NEK10: variants seen among roughly 807,000 people sequenced by gnomAD.
The protein encoded by NEK10 is NIMA related kinase 10.
A neutral mutation model predicts 159.8 loss-of-function variants in NEK10; 122 were observed. The observed-to-expected ratio is 0.76, with a 90% confidence interval of 0.66 to 0.89. NEK10 has a LOEUF of 0.89. Ranked by LOEUF, NEK10 falls within the 40% of genes least tolerant of loss-of-function variation. NEK10 has a pLI of 0.00. For synonymous variants in NEK10, 466 were observed against 457.1 expected (o/e 1.02, Z -0.25); for missense variants, 1,342 against 1,323.1 (o/e 1.01, Z -0.22).
intron 4 of NEK10, among the ~76,000 whole-genome samples, chr3:27,345,806 G>A (rs924884442): frequency 7.2e-5 from 11 of 152,150 alleles, no homozygotes; most frequent in Admixed American, 5.2e-4. Flanking sequence ...AGCCTAACCA[G>A]GTCAATAATC....
intron 15 of NEK10, among the ~76,000 whole-genome samples, chr3:27,294,903 T>C (rs1031569178): frequency 6.6e-6 from 1 of 151,860 alleles, no homozygotes; most frequent in Admixed American, 6.6e-5. Flanking sequence ...CCTGCGTAAC[T>C]GTTCCCCTTT....
chr3:27,146,525 G>T (rs1357261818), intron 30 of NEK10, among the ~76,000 whole-genome samples: 4 of 152,146 alleles, frequency 2.6e-5, no homozygotes. Context: ...CTCTATATTG[G>T]ACCAACAGTG....
chr3:27,260,624 G>C (rs2040324352), intron 22 of NEK10, among the ~76,000 whole-genome samples: 1 of 152,156 alleles, frequency 6.6e-6, no homozygotes, highest in Non-Finnish European at 1.5e-5. Context: ...TGGTTTGCCA[G>C]TATTTTATTG....
chr3:27,278,714 CA>C, intron 22 of NEK10: 1 of 984,448 alleles, frequency 1.0e-6, no homozygotes, highest in Non-Finnish European at 1.2e-6. Flanking sequence ...GCAGAGGAGG[CA>C]AGCGGACATG....
chr3:27,315,904 G>C (rs953780712), intron 6 of NEK10, among the ~76,000 whole-genome samples: 2 of 152,226 alleles, frequency 1.3e-5, no homozygotes, highest in African/African-American at 4.8e-5. Context: ...GGATGGATTT[G>C]CCAAGTAAAG....
intron 23 of NEK10, among the ~76,000 whole-genome samples, chr3:27,221,305 A>T (rs1952076195): frequency 3.9e-5 from 6 of 152,220 alleles, no homozygotes. Flanking sequence ...TTTATAACTC[A>T]ATAATAAAAA....
At chr3:27,289,995 A>G (rs1487860447) in intron 19 of NEK10, among the ~76,000 whole-genome samples, 1 of 152,222 alleles carries the variant, frequency 6.6e-6, no homozygotes, top group Non-Finnish European at 1.5e-5. Context: ...AATGAACAGT[A>G]TTCGTGATGA....
intron 23 of NEK10, among the ~76,000 whole-genome samples, chr3:27,209,917 T>C (rs551846837): frequency 8.5e-5 from 13 of 152,304 alleles, no homozygotes; most frequent in African/African-American, 3.1e-4. Context: ...AAAATCTACA[T>C]TCATGAAATA....
intron 5 of NEK10, among the ~76,000 whole-genome samples, chr3:27,323,505 A>G (rs368866807): frequency 5.8e-4 from 89 of 152,312 alleles, no homozygotes; most frequent in South Asian, 5.0e-3. Context: ...CTATAGTGAG[A>G]TTCAGCAGAA....
chr3:27,350,926 A>G, intron 3 of NEK10, among the ~76,000 whole-genome samples: 1 of 152,146 alleles, frequency 6.6e-6, no homozygotes, highest in East Asian at 1.9e-4. Flanking sequence ...TCAAGTCACA[A>G]TTCAATTTAG....
At position 27,162,727 on chromosome 3, in the gene NEK10, C is replaced by G; in HGVS notation, c.2843G>C (p.Gly948Ala). 1 of 1,614,068 alleles carries G rather than the reference C, an allele frequency of 6.2e-7. No individual in the cohort carries two copies. The highest frequency in any genetic ancestry group is 8.5e-7 in the Non-Finnish European group (1 of 1,179,976). The change falls in exon 30 of 36, where the codon GGA becomes GCA. Residue 948 changes from glycine to alanine, a missense_variant. Transcript: ENST00000691995. Reference sequence around the variant, plus strand: ...TGGTCTTGGTCTTGATCCTGTTCCTCCAGTGAAGTCCCTGAAAATAGAATT... The same window carrying G: ...TGGTCTTGGTCTTGATCCTGTTCCTGCAGTGAAGTCCCTGAAAATAGAATT... Reference protein sequence around the residue: ...ERQSQTRDFTGGTGSRPRPAS... With the variant: ...ERQSQTRDFTAGTGSRPRPAS...
chr3:27,255,085 G>A (rs17019572), intron 23 of NEK10: 20,341 of 164,238 alleles, frequency 0.12, 3,189 homozygotes, highest in African/African-American at 0.38. Flanking sequence ...AATCAAATCT[G>A]TTCAGAGATA....
chr3:27,217,666 G>T (rs1388704620), intron 23 of NEK10, among the ~76,000 whole-genome samples: 1 of 152,080 alleles, frequency 6.6e-6, no homozygotes. Flanking sequence ...GTATTAACCT[G>T]CTACAAAACC....
intron 26 of NEK10, among the ~76,000 whole-genome samples, chr3:27,189,554 T>A (rs1948935119): frequency 6.6e-6 from 1 of 152,290 alleles, no homozygotes; most frequent in South Asian, 2.1e-4. Flanking sequence ...TGAAATGAGA[T>A]AATCATAATA....
chr3:27,205,032 GT>G (rs1950410477), intron 23 of NEK10, among the ~76,000 whole-genome samples: 1 of 151,164 alleles, frequency 6.6e-6, no homozygotes, highest in African/African-American at 2.4e-5. Context: ...TCTCATAGTG[GT>G]TTTGATTTGC....
chr3:27,251,708 C>T (rs996962201), intron 23 of NEK10, among the ~76,000 whole-genome samples: 2 of 152,204 alleles, frequency 1.3e-5, no homozygotes, highest in African/African-American at 4.8e-5. Context: ...CGATCTAACA[C>T]ATCTCTTTTT....
At chr3:27,202,223 T>C (rs1342339203) in intron 24 of NEK10, among the ~76,000 whole-genome samples, 5 of 151,886 alleles carry the variant, frequency 3.3e-5, no homozygotes, top group African/African-American at 1.2e-4. Flanking sequence ...GTATTATAAA[T>C]AAAGACAATT....
intron 30 of NEK10, among the ~76,000 whole-genome samples, chr3:27,153,933 C>A (rs970079318): frequency 2.6e-5 from 4 of 151,836 alleles, no homozygotes; most frequent in African/African-American, 9.7e-5. Context: ...TCAAACCCAG[C>A]AGAAGAAAGG....
Position 27,202,514 on chromosome 3 carries a change from C to G in NEK10, c.2134G>C (p.Val712Leu). Residue 712 changes from valine to leucine, a missense_variant, in exon 24 of 36, where the codon GTC becomes CTC. Physicochemically the swap from Val to Leu is conservative, Grantham distance 32 (BLOSUM62 1). Transcript: ENST00000691995. ...TAAAGGATGCAGCCTACTGCCCAGACATCAGCCTTCTCCCCATACGGCTCA... is the reference window on the plus strand; with the variant it reads ...TAAAGGATGCAGCCTACTGCCCAGAGATCAGCCTTCTCCCCATACGGCTCA... ...KSEPYGEKAD[V>L]WAVGCILYQM... The G allele has an allele frequency of 6.2e-7, 1 of 1,612,852 alleles. No homozygotes were observed.
Sources: allele counts gnomAD v4.1 joint callset (sites outside exome capture counted in the v4.1 genomes callset), GRCh38; gene constraint gnomAD v4.1.1; transcripts MANE v1.5; gene names NCBI Gene and HGNC (gene_info 2026-07-23, HGNC 2026-07-21).